The following MYO3A variants were observed in gnomAD, a reference collection of about 807,000 sequenced individuals.
The protein encoded by MYO3A is myosin IIIA.
In MYO3A, 180 loss-of-function variants were observed where a neutral mutation model predicts 192.7. The ratio of observed to expected loss-of-function variants is 0.93; its 90% CI spans 0.83 to 1.06. The LOEUF is 1.06. MYO3A is among the 50% of genes least tolerant of loss of function. The pLI is 0.00. For missense variants in MYO3A, 1,896 were observed against 1,905.0 expected (o/e 1.00, Z 0.09); for synonymous variants, 628 against 645.3 (o/e 0.97, Z 0.41).
intron 6 of MYO3A, among the ~76,000 whole-genome samples, chr10:26,001,438 T>G (rs1445893263): frequency 6.6e-6 from 1 of 152,170 alleles, no homozygotes; most frequent in Non-Finnish European, 1.5e-5. Context: ...CTGCTGTGTC[T>G]AAATGGGAGT....
chr10:26,028,645 T>G (rs910535697), intron 10 of MYO3A, among the ~76,000 whole-genome samples: 12 of 152,212 alleles, frequency 7.9e-5, no homozygotes, highest in African/African-American at 2.9e-4. Context: ...CTGTGAAGGA[T>G]ATGAGATATT....
At chr10:25,985,018 G>T (rs1194311748) in intron 4 of MYO3A, among the ~76,000 whole-genome samples, 1 of 151,966 alleles carries the variant, frequency 6.6e-6, no homozygotes, top group African/African-American at 2.4e-5. Flanking sequence ...CAGGCAGATT[G>T]CCTGAGCTCA....
At chr10:25,953,621 C>A (rs1837353277) in intron 3 of MYO3A, among the ~76,000 whole-genome samples, 1 of 152,058 alleles carries the variant, frequency 6.6e-6, no homozygotes, top group Admixed American at 6.6e-5. Flanking sequence ...CATTGTCTGG[C>A]CCCATAGTGT....
At chr10:26,103,316 C>G (rs896522256) in intron 17 of MYO3A, among the ~76,000 whole-genome samples, 1 of 152,164 alleles carries the variant, frequency 6.6e-6, no homozygotes, top group Non-Finnish European at 1.5e-5. Context: ...AAAGGGAATT[C>G]CCCGACCCCT....
Position 26,061,229 on chromosome 10 carries a change from G to A in MYO3A, c.954-5746G>A, listed in dbSNP as rs755465707. Among the ~76,000 whole-genome samples, 36 of 152,112 alleles carry A rather than the reference G, an allele frequency of 2.4e-4. No individual in the cohort carries two copies. The East Asian group carries it at 4.1e-3, about 17-fold the overall frequency. On this transcript the variant is annotated intron_variant, in intron 10 of 34. Transcript: ENST00000642920. Reference sequence around the variant, plus strand: ...CAGGTGTGAGCCACCACGCCCGGCCGACACCTTGTTTTTTGCAGCTTTGTA... The same window carrying A: ...CAGGTGTGAGCCACCACGCCCGGCCAACACCTTGTTTTTTGCAGCTTTGTA...
chr10:26,077,997 T>C (rs1356455967), intron 14 of MYO3A, among the ~76,000 whole-genome samples: 4 of 152,088 alleles, frequency 2.6e-5, no homozygotes, highest in African/African-American at 9.7e-5. Flanking sequence ...GGTATTAGGG[T>C]GATGCTGGTT....
chr10:26,027,386 C>A (rs540126484), intron 10 of MYO3A, among the ~76,000 whole-genome samples: 1 of 151,880 alleles, frequency 6.6e-6, no homozygotes, highest in Non-Finnish European at 1.5e-5. Context: ...ACTTTGTCTC[C>A]TAGGCTGGAG....
At chr10:26,129,455 C>T (rs535720948) in intron 20 of MYO3A, among the ~76,000 whole-genome samples, 61 of 152,200 alleles carry the variant, frequency 4.0e-4, no homozygotes, top group African/African-American at 1.3e-3. Flanking sequence ...TGTCGGTGCC[C>T]TCCCATAGCC....
intron 10 of MYO3A, among the ~76,000 whole-genome samples, chr10:26,045,366 T>TTAGA (rs3057671): frequency 0.036 from 5,158 of 142,636 alleles, 104 homozygotes; most frequent in African/African-American, 0.04. Context: ...ATGGGTGGCA[T>TTAGA]TAGATAGATA....
intron 10 of MYO3A, among the ~76,000 whole-genome samples, chr10:26,058,179 C>CT (rs1201839915): frequency 6.6e-6 from 1 of 152,156 alleles, no homozygotes; most frequent in African/African-American, 2.4e-5. Flanking sequence ...AATTAGTGAT[C>CT]TTTTTTACCA....
In MYO3A at chr10:26,096,687, G is replaced by A. The variant is rs1263351512; in HGVS notation, c.1776+5G>A. 6 of 1,535,952 alleles carry A rather than the reference G, an allele frequency of 3.9e-6. No individual in the cohort carries two copies. Among genetic ancestry groups the A allele is most frequent in the Non-Finnish European group, 5.4e-6 (6 of 1,109,138 alleles). On this transcript the variant is annotated splice_donor_5th_base_variant and intron_variant, in intron 17 of 34. Coordinates refer to ENST00000642920, the MANE Select transcript of MYO3A (RefSeq NM_017433.5). ...GTCATAGGTTTTACAATGGAGGTAA[G>A]TATGAAAGACACTTGAACTTCTTTA... is the stretch of plus-strand genomic sequence containing the variant.
Position 26,211,965 on chromosome 10 carries a change from C to G in MYO3A, c.*2C>G, listed in dbSNP as rs768182699. On this transcript the variant is annotated 3_prime_UTR_variant, in exon 35 of 35. Transcript: ENST00000642920. ...CGGCGCCTCGTCCAGCAGTCCTAAC[C>G]GTTCAACGAGGCAGTCACCGCCGTC... 19 of 1,610,364 alleles carry G rather than the reference C, an allele frequency of 1.2e-5. No homozygotes were observed. Among genetic ancestry groups the G allele is most frequent in the Admixed American group, 1.7e-5 (1 of 59,918 alleles).
intron 31 of MYO3A, among the ~76,000 whole-genome samples, chr10:26,178,507 C>T (rs139729570): frequency 0.013 from 1,975 of 150,512 alleles, 51 homozygotes; most frequent in African/African-American, 0.044. Context: ...GAGCCGAAAT[C>T]GTGCCACTGC....
rs142609832 is a variant in MYO3A at position 26,203,020 on chromosome 10, G to T, written c.4643G>T (p.Arg1548Leu). ...TATTATAAGGAATTTTTGCCCAGTCGTTCTGGACCAAAGGAACATAGCCCT... is the reference window on the plus strand; with the variant it reads ...TATTATAAGGAATTTTTGCCCAGTCTTTCTGGACCAAAGGAACATAGCCCT... Reference protein sequence around the residue: ...DFYYKEFLPSRSGPKEHSPSL... With the variant: ...DFYYKEFLPSLSGPKEHSPSL... Residue 1548 changes from arginine to leucine, a missense_variant, in exon 34 of 35, where the codon CGT becomes CTT. Coordinates refer to ENST00000642920, the MANE Select transcript of MYO3A (RefSeq NM_017433.5). The T allele has an allele frequency of 6.8e-6, 11 of 1,613,622 alleles. No homozygotes were observed. The highest frequency in any genetic ancestry group is 9.3e-6 in the Non-Finnish European group (11 of 1,179,798).
chr10:26,147,368 GTGA>G, intron 22 of MYO3A, 59 bp from the exon 23 acceptor site: 1 of 1,454,048 alleles, frequency 6.9e-7, no homozygotes, highest in Non-Finnish European at 9.6e-7. Flanking sequence ...GATGATGATG[GTGA>G]GGAGGAGGAG....
chr10:25,946,863 G>A (rs1214144058), intron 2 of MYO3A, among the ~76,000 whole-genome samples: 1 of 112,072 alleles, frequency 8.9e-6, no homozygotes, highest in African/African-American at 3.4e-5. Flanking sequence ...GGGTGACAGA[G>A]TGAGACTCCG....
intron 19 of MYO3A, among the ~76,000 whole-genome samples, 173 bp from the exon 20 acceptor site, chr10:26,128,218 C>T (rs749223041): frequency 7.2e-5 from 11 of 152,052 alleles, no homozygotes; most frequent in Non-Finnish European, 1.3e-4. Context: ...CAATATCTGC[C>T]GTTATCTTTA....
intron 22 of MYO3A, 60 bp downstream of exon 22, chr10:26,145,594 T>C: frequency 1.5e-6 from 2 of 1,298,732 alleles, no homozygotes; most frequent in Non-Finnish European, 2.2e-6. Context: ...AATAATAGGA[T>C]AGACATGAAA....
chr10:26,185,413 C>T (rs1441419051), intron 31 of MYO3A, among the ~76,000 whole-genome samples: 1 of 131,908 alleles, frequency 7.6e-6, no homozygotes, highest in Non-Finnish European at 1.5e-5. Context: ...AATCTCAGGT[C>T]ACTGCAACCT....
Sources: allele counts gnomAD v4.1 joint callset (sites outside exome capture counted in the v4.1 genomes callset), GRCh38; gene constraint gnomAD v4.1.1; transcripts MANE v1.5; gene names NCBI Gene and HGNC (gene_info 2026-07-23, HGNC 2026-07-21).